Variants in NR2F1 observed in about 807,000 individuals in gnomAD.
NR2F1 encodes nuclear receptor subfamily 2 group F member 1.
Under a neutral mutation model 37.7 loss-of-function variants are expected in NR2F1, and 1 was observed. The ratio of observed to expected loss-of-function variants is 0.03; its 90% CI spans 0.01 to 0.13. The LOEUF is 0.13. Among genes scored for constraint, NR2F1 ranks in the 10% least tolerant of loss-of-function variants. The pLI is 1.00. For synonymous variants in NR2F1, 275 were observed against 259.6 expected (o/e 1.06, Z -0.57); for missense variants, 268 against 578.4 (o/e 0.46, Z 5.50).
At position 93,588,176 on chromosome 5, in the gene NR2F1, G is replaced by A. The variant is rs1391412175; in HGVS notation, c.723G>A (p.Pro241=). 1 of 1,614,068 alleles carries A rather than the reference G, an allele frequency of 6.2e-7. No individual in the cohort carries two copies. The highest frequency in any genetic ancestry group is 2.2e-5 in the East Asian group (1 of 44,848). The part of the protein sequence containing the change: ...VEWARNIPFF[P]DLQITDQVSL... ...GGGCCCGCAACATCCCCTTCTTCCCGGATCTGCAGATCACCGACCAGGTGT... is the reference window on the plus strand; with the variant it reads ...GGGCCCGCAACATCCCCTTCTTCCCAGATCTGCAGATCACCGACCAGGTGT... The change falls in exon 2 of 3, where the codon CCG becomes CCA. Residue 241 remains proline, a synonymous_variant. Coordinates refer to ENST00000327111, the MANE Select transcript of NR2F1 (RefSeq NM_005654.6).
rs952302354 is a variant in NR2F1 at position 93,583,576 on chromosome 5, T to C, written c.-1448T>C. 2.6e-5 allele frequency: 4 copies of C among 152,068 alleles called. No individual in the cohort carries two copies. The highest frequency in any genetic ancestry group is 9.7e-5 in the African/African-American group (4 of 41,382). 9.4% of individuals were successfully genotyped at this position (152,068 alleles called of 1,614,324 possible). Reference sequence around the variant, plus strand: ...AGGAGGCACCCCCTTCGTATTCTTCTTATCGTTATTTTATACATATATGAT... The same window carrying C: ...AGGAGGCACCCCCTTCGTATTCTTCCTATCGTTATTTTATACATATATGAT... On this transcript the variant is annotated 5_prime_UTR_variant, in exon 1 of 3. Coordinates refer to ENST00000327111, the MANE Select transcript of NR2F1 (RefSeq NM_005654.6).
At position 93,585,278 on chromosome 5, in the gene NR2F1, G is replaced by A. The variant is rs762719149; in HGVS notation, c.255G>A (p.Glu85=). The stretch of plus-strand genomic sequence containing the variant: ...CGGGCCAGAGCCAGCAGCACATCGA[G>A]TGCGTGGTGTGCGGGGACAAGTCGA... The part of the protein sequence containing the change: ...PGSGQSQQHI[E]CVVCGDKSSG... Residue 85 remains glutamate (E), a synonymous_variant, in exon 1 of 3, where the codon GAG becomes GAA. Coordinates refer to ENST00000327111, the MANE Select transcript of NR2F1 (RefSeq NM_005654.6). 2 of 1,600,608 alleles carry A rather than the reference G, an allele frequency of 1.2e-6. No homozygotes were observed. The highest frequency in any genetic ancestry group is 1.7e-6 in the Non-Finnish European group (2 of 1,173,506).
chr5:93,588,217 C>T lies in NR2F1; in HGVS notation c.764C>T (p.Thr255Ile). The T allele has an allele frequency of 6.2e-7, 1 of 1,614,048 alleles. No individual in the cohort carries two copies. Among genetic ancestry groups the T allele is most frequent in the Non-Finnish European group, 8.5e-7 (1 of 1,180,000 alleles). The change falls in exon 2 of 3, where the codon ACC becomes ATC. Residue 255 changes from threonine to isoleucine, a missense_variant. Physicochemically the swap from Thr to Ile is moderately conservative, Grantham distance 89. Transcript: ENST00000327111. ...ITDQVSLLRLTWSELFVLNAA... is the reference protein window; with the variant it reads ...ITDQVSLLRLIWSELFVLNAA... ...GACCAGGTGTCCCTGCTACGCCTCA[C>T]CTGGAGCGAGCTGTTCGTGCTCAAC... is the stretch of plus-strand genomic sequence containing the variant.
chr5:93,593,695 C>G lies in NR2F1; in HGVS notation c.1125C>G (p.Pro375=). 5 of 1,614,190 alleles carry G rather than the reference C, an allele frequency of 3.1e-6. No homozygotes were observed. Among genetic ancestry groups the G allele is most frequent in the Middle Eastern group, 1.6e-4 (1 of 6,062 alleles). ...TTGGCAAACTGCTGCTGCGACTGCCCTCGCTGCGCACCGTGTCCTCCTCCG... is the reference window on the plus strand; with the variant it reads ...TTGGCAAACTGCTGCTGCGACTGCCGTCGCTGCGCACCGTGTCCTCCTCCG... ...SRFGKLLLRL[P]SLRTVSSSVI... The change falls in exon 3 of 3, where the codon CCC becomes CCG. Residue 375 remains proline, a synonymous_variant. Transcript: ENST00000327111. The surrounding 1 kb of genome is among the most constrained non-coding windows in gnomAD (Gnocchi z 5.6).
intron 1 of NR2F1, among the ~76,000 whole-genome samples, chr5:93,586,274 C>T (rs897138936): frequency 6.6e-5 from 10 of 152,216 alleles, no homozygotes; most frequent in African/African-American, 2.2e-4. Flanking sequence ...ACTCCACCCT[C>T]TGCTTAAATA....
intron 2 of NR2F1, among the ~76,000 whole-genome samples, chr5:93,588,740 C>T (rs2149943402): frequency 6.6e-6 from 1 of 151,416 alleles, no homozygotes; most frequent in East Asian, 1.9e-4. Flanking sequence ...GGGTGTGTGT[C>T]TGAGGCGGGG....
chr5:93,593,961 A>T lies in NR2F1; in HGVS notation c.*119A>T. ...CAGCGGGCCAGGCAGGCTGGGTGGG[A>T]GGGAGGAGGGCCGAGACAGGAGCAG... On this transcript the variant is annotated 3_prime_UTR_variant, in exon 3 of 3. Coordinates refer to ENST00000327111, the MANE Select transcript of NR2F1 (RefSeq NM_005654.6). This position sits in a 1 kb window ranked among gnomAD's most constrained non-coding sequence, Gnocchi z 5.6. 1 of 949,144 alleles carries T rather than the reference A, an allele frequency of 1.1e-6. No individual in the cohort carries two copies. The highest frequency in any genetic ancestry group is 1.6e-6 in the Non-Finnish European group (1 of 633,746). The allele number at this position is 949,144 out of a possible 1,614,324, so 58.8% of individuals were successfully genotyped here.
intron 2 of NR2F1, among the ~76,000 whole-genome samples, chr5:93,588,924 T>TGGCA (rs1753284601): frequency 6.6e-6 from 1 of 152,092 alleles, no homozygotes; most frequent in African/African-American, 2.4e-5. Context: ...TTACCCTGTG[T>TGGCA]GGCACTCTCC....
chr5:93,589,246 T>C (rs1753290598), intron 2 of NR2F1, among the ~76,000 whole-genome samples: 1 of 152,198 alleles, frequency 6.6e-6, no homozygotes. Flanking sequence ...TATCAAATTA[T>C]GTGTAGGCAG....
chr5:93,587,631 C>T, intron 1 of NR2F1: 1 of 399,144 alleles, frequency 2.5e-6, no homozygotes, highest in East Asian at 3.9e-5. Flanking sequence ...TTGGATGACA[C>T]TTTCTTGACC....
rs142689077 is a variant in NR2F1 at position 93,593,614 on chromosome 5, G to A, written c.1044G>A (p.Ser348=). The A allele has an allele frequency of 2.9e-5, 46 of 1,613,958 alleles. No homozygotes were observed. The highest frequency in any genetic ancestry group is 1.6e-4 in the African/African-American group (12 of 74,982). The change falls in exon 3 of 3, where the codon TCG becomes TCA. Residue 348 remains serine (S), a synonymous_variant. Coordinates refer to ENST00000327111, the MANE Select transcript of NR2F1 (RefSeq NM_005654.6). This position sits in a 1 kb window ranked among gnomAD's most constrained non-coding sequence, Gnocchi z 5.6. ...ACATCGAGAGCCTGCAGGAGAAGTC[G>A]CAGTGCGCACTGGAGGAGTACGTGA... ...AAHIESLQEK[S]QCALEEYVRS... is the part of the protein sequence containing the mutation.
Position 93,584,837 on chromosome 5 carries a change from G to A in NR2F1, c.-187G>A, listed in dbSNP as rs866080178. ...CGAGGCAGTAGCGGCGGCAGCGGCG[G>A]CGGCGGCGGAGGCAGCGGCCGGTGT... On this transcript the variant is annotated 5_prime_UTR_variant, in exon 1 of 3. Coordinates refer to ENST00000327111, the MANE Select transcript of NR2F1 (RefSeq NM_005654.6). 4,269 of 157,960 alleles carry A rather than the reference G, an allele frequency of 0.027. 101 individuals carry two copies. Among genetic ancestry groups the A allele is most frequent in the Middle Eastern group, 0.044 (14 of 318 alleles). 9.8% of individuals were successfully genotyped at this position (157,960 alleles called of 1,614,324 possible).
chr5:93,591,460 C>G (rs190538182), intron 2 of NR2F1, among the ~76,000 whole-genome samples: 1 of 152,338 alleles, frequency 6.6e-6, no homozygotes, highest in East Asian at 1.9e-4. Flanking sequence ...AGCCACAGAG[C>G]TAGCTGGCTG....
At position 93,594,184 on chromosome 5, in the gene NR2F1, A is replaced by G. The variant is rs1049230153; in HGVS notation, c.*342A>G. 6.4e-5 allele frequency: 18 copies of G among 283,418 alleles called. No individual in the cohort carries two copies. The highest frequency in any genetic ancestry group is 6.2e-4 in the South Asian group (12 of 19,482). The allele number at this position is 283,418 out of a possible 1,614,324, so 17.6% of individuals were successfully genotyped here. A position where few individuals can be genotyped will look rare whatever the true frequency, so the allele number is the denominator to read the frequency against. ...TAATAAAACAGAAGGAAACTAATGG[A>G]CCTTCCAGGATTTATTGTGGACGGA... On this transcript the variant is annotated 3_prime_UTR_variant, in exon 3 of 3. Transcript: ENST00000327111.
chr5:93,587,713 G>GCTGGACACA (rs1753256463), intron 1 of NR2F1: 1 of 590,966 alleles, frequency 1.7e-6, no homozygotes, highest in Non-Finnish European at 2.9e-6. Context: ...TCAGGCAGTG[G>GCTGGACACA]CTGGACACAC....
intron 2 of NR2F1, among the ~76,000 whole-genome samples, chr5:93,591,075 A>C (rs1199917237): frequency 1.3e-5 from 2 of 152,244 alleles, no homozygotes; most frequent in African/African-American, 4.8e-5. Flanking sequence ...TTCTGAATGC[A>C]CAACATGAAA....
At chr5:93,585,523 G>T in intron 1 of NR2F1, 37 bp downstream of exon 1, 1 of 1,521,844 alleles carries the variant, frequency 6.6e-7, no homozygotes, top group Non-Finnish European at 9.0e-7. Flanking sequence ...CCCGCGCTTC[G>T]CCCGCCTCCC....
intron 1 of NR2F1, among the ~76,000 whole-genome samples, chr5:93,586,173 C>T (rs1753229763): frequency 6.6e-6 from 1 of 152,190 alleles, no homozygotes; most frequent in Non-Finnish European, 1.5e-5. Flanking sequence ...TTTCACCCCT[C>T]TACTTTGAAA....
rs1458398440 is a variant in NR2F1 at position 93,583,807 on chromosome 5, CCTTTTTT to C, written c.-1216_-1210del. 1 of 152,174 alleles carries C rather than the reference CCTTTTTT, an allele frequency of 6.6e-6. No homozygotes were observed. Among genetic ancestry groups the C allele is most frequent in the African/African-American group, 2.4e-5 (1 of 41,380 alleles). 9.4% of individuals were successfully genotyped at this position (152,174 alleles called of 1,614,324 possible). On this transcript the variant is annotated 5_prime_UTR_variant, in exon 1 of 3. An upstream open reading frame in the 5' UTR gains an earlier in-frame stop. Coordinates refer to ENST00000327111, the MANE Select transcript of NR2F1 (RefSeq NM_005654.6). The stretch of plus-strand genomic sequence containing the variant: ...GATGTCTCTCTCGCTTTTCCTTTTT[CCTTTTTT>C]TGGCAATTATTTTCTTCTGATTTTT...
Sources: gnomAD v4.1 joint callset for allele counts (sites outside exome capture counted in the v4.1 genomes callset) on GRCh38, gnomAD v4.1.1 for gene constraint, Gnocchi (gnomAD v3.1) non-coding constraint, MANE v1.5 for transcripts, NCBI Gene and HGNC (gene_info 2026-07-23, HGNC 2026-07-21) for gene names.